The following ABCA10 variants were observed in gnomAD, a reference collection of about 807,000 sequenced individuals.
ABCA10 encodes the protein ATP-binding cassette sub-family A member 10.
ABCA10 carries 169 observed loss-of-function variants against 187.5 expected under a neutral mutation model. That is an observed-to-expected ratio of 0.90 (90% confidence interval 0.80 to 1.02). ABCA10 has a LOEUF of 1.02. ABCA10 is among the 50% of genes least tolerant of loss of function. The probability of loss-of-function intolerance (pLI) is 0.00; values close to 1 mark genes in which losing one functional copy is unlikely to be tolerated. For synonymous variants in ABCA10, 574 were observed against 601.8 expected (o/e 0.95, Z 0.68); for missense variants, 1,727 against 1,812.4 (o/e 0.95, Z 0.86).
chr17:69,201,706 A>G lies in ABCA10; in HGVS notation c.1007-38T>C, dbSNP rs368767650. Reference sequence around the variant, plus strand: ...GATACAATTACATATTGCATCAATTATACCACACCAATAAAAAGGGACATC... The same window carrying G: ...GATACAATTACATATTGCATCAATTGTACCACACCAATAAAAAGGGACATC... On this transcript the variant is annotated intron_variant, in intron 9 of 38. Coordinates refer to ENST00000690296, the MANE Select transcript of ABCA10 (RefSeq NM_001377321.1). 92 of 1,451,382 alleles carry G rather than the reference A, an allele frequency of 6.3e-5. 1 individual carries two copies. The African/African-American group carries it at 1.2e-3, about 18-fold the overall frequency. The allele number at this position is 1,451,382 out of a possible 1,614,324, so 89.9% of individuals were successfully genotyped here.
At chr17:69,178,211 T>C (rs1007847785) in intron 22 of ABCA10, among the ~76,000 whole-genome samples, 7 of 151,266 alleles carry the variant, frequency 4.6e-5, no homozygotes, top group South Asian at 2.1e-4. Context: ...AGAAGGATAA[T>C]AAGAAACAAA....
chr17:69,155,761 A>G (rs759847633), intron 29 of ABCA10, 44 bp downstream of exon 29: 91 of 1,590,916 alleles, frequency 5.7e-5, no homozygotes, highest in Non-Finnish European at 7.2e-5. Context: ...CTAGAGGACA[A>G]ACTATCTGAG....
intron 22 of ABCA10, 124 bp downstream of exon 22, chr17:69,182,029 G>A: frequency 3.1e-6 from 3 of 967,908 alleles, no homozygotes; most frequent in South Asian, 3.4e-5. Flanking sequence ...AAGGCAAGGA[G>A]TAGCTAAGAA....
rs760676084 is a variant in ABCA10, at chr17:69,174,245, T to C, written c.3162+36A>G. 2.8e-6 allele frequency: 4 copies of C among 1,422,920 alleles called. No individual in the cohort carries two copies. The East Asian group carries it at 9.5e-5, about 34-fold the overall frequency. 88.1% of individuals were successfully genotyped at this position (1,422,920 alleles called of 1,614,324 possible). Reference sequence around the variant, plus strand: ...TGCATTTAAAAAAACTTCAAGGAAATTTAATATAAATGTGCACGCATGTAT... The same window carrying C: ...TGCATTTAAAAAAACTTCAAGGAAACTTAATATAAATGTGCACGCATGTAT... On this transcript the variant is annotated intron_variant, in intron 25 of 38. Coordinates refer to ENST00000690296, the MANE Select transcript of ABCA10 (RefSeq NM_001377321.1).
intron 29 of ABCA10, 33 bp from the exon 30 acceptor site, chr17:69,155,169 T>C (rs1221827858): frequency 1.2e-5 from 17 of 1,475,644 alleles, no homozygotes; most frequent in Middle Eastern, 1.7e-4. Context: ...ATTTCCCTGT[T>C]AAATTTCAGA....
At chr17:69,202,313 T>C (rs996043535) in intron 9 of ABCA10, among the ~76,000 whole-genome samples, 2 of 152,174 alleles carry the variant, frequency 1.3e-5, no homozygotes, top group African/African-American at 4.8e-5. Context: ...TATGAAGATA[T>C]ATTATTTTGA....
At chr17:69,154,419 ACTT>A (rs774661457) in intron 30 of ABCA10, 93 bp from the exon 31 acceptor site, 2 of 661,536 alleles carry the variant, frequency 3.0e-6, no homozygotes, top group Non-Finnish European at 4.4e-6. Context: ...AAACAAAATG[ACTT>A]TTTTTTTTTT....
chr17:69,185,407 T>G (rs11655199), intron 20 of ABCA10, 70 bp downstream of exon 20: 895,482 of 1,422,718 alleles, frequency 0.63, 288,238 homozygotes, highest in Non-Finnish European at 0.67. Flanking sequence ...TTCAATTGTC[T>G]CTCAGGTATG....
intron 15 of ABCA10, 130 bp from the exon 16 acceptor site, chr17:69,192,783 TG>T: frequency 1.2e-6 from 1 of 806,646 alleles, no homozygotes; most frequent in Non-Finnish European, 1.9e-6. Context: ...ATTAAGCCCC[TG>T]GGTGCAGTAT....
At chr17:69,190,980 T>C (rs77863814) in intron 17 of ABCA10, among the ~76,000 whole-genome samples, 196 bp downstream of exon 17, 131 of 152,286 alleles carry the variant, frequency 8.6e-4, no homozygotes, top group South Asian at 2.7e-3. Flanking sequence ...GGGGTTTCTA[T>C]ATTCATGGAA....
In ABCA10 at chr17:69,152,393, G is replaced by A. The variant is rs771145174; in HGVS notation, c.4225C>T (p.Arg1409Cys). The change falls in exon 35 of 39, where the codon CGT becomes TGT. Residue 1409 changes from arginine to cysteine, a missense_variant. By Grantham distance (180) the Arg-to-Cys change is radical. Transcript: ENST00000690296. ...GTTCCTGACACCATCATGGCCATAC[G>A]GTCACACACAGCCTCAGCCTCTGAC... ...YMSEAEAVCD[R>C]MAMMVSGTLR... 3.7e-6 allele frequency: 6 copies of A among 1,613,930 alleles called. No homozygotes were observed. Among genetic ancestry groups the A allele is most frequent in the Non-Finnish European group, 3.4e-6 (4 of 1,179,934 alleles).
At chr17:69,186,898 G>T (rs1439479936) in intron 19 of ABCA10, among the ~76,000 whole-genome samples, 1 of 152,034 alleles carries the variant, frequency 6.6e-6, no homozygotes, top group Non-Finnish European at 1.5e-5. Context: ...TGTGCCTTTT[G>T]TGTTCACTAA....
intron 9 of ABCA10, among the ~76,000 whole-genome samples, chr17:69,209,858 A>G (rs1388033160): frequency 6.6e-6 from 1 of 152,206 alleles, no homozygotes; most frequent in Non-Finnish European, 1.5e-5. Context: ...GGAAATTGTA[A>G]GACAATGGTA....
intron 9 of ABCA10, among the ~76,000 whole-genome samples, chr17:69,211,358 T>TAC (rs1238690612): frequency 6.5e-4 from 17 of 26,086 alleles, no homozygotes; most frequent in East Asian, 2.5e-3. Context: ...TATATATATA[T>TAC]ATACACACAC....
chr17:69,149,573 A>G (rs1470492963), intron 37 of ABCA10, among the ~76,000 whole-genome samples: 1 of 152,014 alleles, frequency 6.6e-6, no homozygotes, highest in Admixed American at 6.6e-5. Flanking sequence ...CAGTCCTCCA[A>G]CTGTTGCCTC....
intron 1 of ABCA10, among the ~76,000 whole-genome samples, chr17:69,237,528 T>C (rs1335651223): frequency 6.6e-6 from 1 of 152,182 alleles, no homozygotes; most frequent in African/African-American, 2.4e-5. Flanking sequence ...CCCCTCCCAC[T>C]TGCATCTTTA....
At chr17:69,193,361 C>G in intron 14 of ABCA10, 113 bp from the exon 15 acceptor site, 2 of 1,513,066 alleles carry the variant, frequency 1.3e-6, no homozygotes, top group Non-Finnish European at 1.8e-6. Flanking sequence ...CCACCAGATC[C>G]CTAACAAGCT....
At chr17:69,220,926 T>C (rs1234503698) in intron 5 of ABCA10, among the ~76,000 whole-genome samples, 4 of 152,212 alleles carry the variant, frequency 2.6e-5, no homozygotes, top group East Asian at 1.9e-4. Context: ...GCCTAAAATA[T>C]TTACTGTGTG....
At chr17:69,177,275 C>T (rs2074341156) in intron 22 of ABCA10, among the ~76,000 whole-genome samples, 1 of 152,166 alleles carries the variant, frequency 6.6e-6, no homozygotes. Context: ...TTCTTACATG[C>T]ATACCTCTTT....
Sources: gnomAD v4.1 joint callset for allele counts (sites outside exome capture counted in the v4.1 genomes callset) on GRCh38, gnomAD v4.1.1 for gene constraint, MANE v1.5 for transcripts, NCBI Gene and HGNC (gene_info 2026-07-23, HGNC 2026-07-21) for gene names.